The following RCSD1 variants were observed in gnomAD, a reference collection of about 807,000 sequenced individuals.
The protein encoded by RCSD1 is capZ-interacting protein.
In RCSD1, 26 loss-of-function variants were observed where a neutral mutation model predicts 42.5. That is an observed-to-expected ratio of 0.61 (90% CI 0.45 to 0.85). The LOEUF is 0.85. Ranked by LOEUF, RCSD1 falls within the 40% of genes least tolerant of loss-of-function variation. The pLI is 0.00. For synonymous variants in RCSD1, 220 were observed against 212.2 expected, an observed-to-expected ratio of 1.04 and a Z score of -0.32; for missense variants, 571 against 528.3, an observed-to-expected ratio of 1.08 and a Z score of -0.79.
At chr1:167,681,082 C>T (rs1021592870) in intron 1 of RCSD1, among the ~76,000 whole-genome samples, 1 of 152,196 alleles carries the variant, frequency 6.6e-6, no homozygotes, top group Non-Finnish European at 1.5e-5. Context: ...CCACCAGCCC[C>T]GATTCATCCC....
At chr1:167,685,821 C>T (rs1311925922) in intron 3 of RCSD1, among the ~76,000 whole-genome samples, 4 of 152,070 alleles carry the variant, frequency 2.6e-5, no homozygotes, top group Non-Finnish European at 4.4e-5. Context: ...AATTCAGGAG[C>T]CAGGAAAGTT....
intron 1 of RCSD1, among the ~76,000 whole-genome samples, chr1:167,655,575 A>G (rs779410396): frequency 6.6e-6 from 1 of 152,188 alleles, no homozygotes; most frequent in Non-Finnish European, 1.5e-5. Flanking sequence ...TGAAGGGAAC[A>G]CACCACTGCT....
intron 1 of RCSD1, among the ~76,000 whole-genome samples, chr1:167,648,702 G>A (rs538869831): frequency 1.6e-4 from 24 of 152,250 alleles, no homozygotes; most frequent in South Asian, 4.1e-4. Context: ...GATGGGGTGC[G>A]GGCAACAGTG....
At chr1:167,664,317 C>G (rs1658603412) in intron 1 of RCSD1, 1 of 152,272 alleles carries the variant, frequency 6.6e-6, no homozygotes, top group Non-Finnish European at 1.5e-5. Context: ...AGGCTGCCAG[C>G]CTCCTGCAGC....
chr1:167,639,964 C>G (rs1571668850), intron 1 of RCSD1, among the ~76,000 whole-genome samples: 3 of 152,234 alleles, frequency 2.0e-5, no homozygotes, highest in Admixed American at 6.5e-5. Context: ...ATGCCTGAAT[C>G]CCCTCACAAA....
chr1:167,665,888 T>A (rs1468730542), intron 1 of RCSD1, among the ~76,000 whole-genome samples: 1 of 152,144 alleles, frequency 6.6e-6, no homozygotes, highest in Non-Finnish European at 1.5e-5. Flanking sequence ...CTCCACTCAC[T>A]GCAACCTCTG....
intron 1 of RCSD1, among the ~76,000 whole-genome samples, chr1:167,675,436 G>A (rs1196301508): frequency 6.6e-6 from 1 of 152,048 alleles, no homozygotes; most frequent in East Asian, 1.9e-4. Context: ...ACTACCATGA[G>A]AACAGCATGG....
At chr1:167,673,033 T>G (rs1251680395) in intron 1 of RCSD1, among the ~76,000 whole-genome samples, 2 of 152,118 alleles carry the variant, frequency 1.3e-5, no homozygotes, top group Non-Finnish European at 2.9e-5. Flanking sequence ...CTGCAAGAGC[T>G]CATGTGATCT....
At chr1:167,669,759 C>T (rs1472713423) in intron 1 of RCSD1, among the ~76,000 whole-genome samples, 1 of 152,212 alleles carries the variant, frequency 6.6e-6, no homozygotes, top group Non-Finnish European at 1.5e-5. Flanking sequence ...CCAGTACCCC[C>T]TCTTGAGGCT....
At chr1:167,630,571 C>A in intron 1 of RCSD1, 142 bp downstream of exon 1, 1 of 887,690 alleles carries the variant, frequency 1.1e-6, no homozygotes. Context: ...GCCTGCTGTT[C>A]CGACGCCTCC....
Position 167,682,212 on chromosome 1 carries a change from C to G in RCSD1, c.7-1688C>G, listed in dbSNP as rs187565551. ...TGAGATGGAGTCTCATTCTGTCACCCAGTCTGGAGTGCAGTGGTGTGATCT... is the reference window on the plus strand; with the variant it reads ...TGAGATGGAGTCTCATTCTGTCACCGAGTCTGGAGTGCAGTGGTGTGATCT... On this transcript the variant is annotated intron_variant, in intron 1 of 6. Transcript: ENST00000367854. 8.1e-3 allele frequency among the ~76,000 whole-genome samples: 1,233 copies of G among 151,328 alleles called. 20 individuals carry two copies. The highest frequency in any genetic ancestry group is 0.029 in the African/African-American group (1,186 of 40,966).
rs928931692 is a variant in RCSD1 at position 167,690,686 on chromosome 1, G to GA, written c.270+575dup. On this transcript the variant is annotated intron_variant, in intron 4 of 6. Coordinates refer to ENST00000367854, the MANE Select transcript of RCSD1 (RefSeq NM_052862.4). Reference sequence around the variant, plus strand: ...AAGCTCCTGTCTTCAAAAACGAAAAGAAAAAAAAAGAGTCTTACGGGAAAG... The same window carrying GA: ...AAGCTCCTGTCTTCAAAAACGAAAAGAAAAAAAAAAGAGTCTTACGGGAAAG... 1.2e-4 allele frequency among the ~76,000 whole-genome samples: 18 copies of GA among 149,578 alleles called. No individual in the cohort carries two copies. The East Asian group carries it at 1.4e-3, about 11-fold the overall frequency.
intron 1 of RCSD1, among the ~76,000 whole-genome samples, chr1:167,647,027 G>A (rs914054162): frequency 6.6e-6 from 1 of 151,848 alleles, no homozygotes; most frequent in Non-Finnish European, 1.5e-5. Context: ...CTACTTGGGA[G>A]GCTGTGGCAG....
intron 1 of RCSD1, among the ~76,000 whole-genome samples, chr1:167,678,693 C>T (rs764428967): frequency 6.6e-6 from 1 of 152,120 alleles, no homozygotes; most frequent in African/African-American, 2.4e-5. Context: ...TCCTTGAAAC[C>T]CTCCAAATGA....
intron 4 of RCSD1, 134 bp from the exon 5 acceptor site, chr1:167,693,965 G>A (rs996198524): frequency 2.7e-6 from 2 of 744,670 alleles, no homozygotes; most frequent in Non-Finnish European, 4.5e-6. Flanking sequence ...GTGGATAATG[G>A]GTTGGGAAGT....
At chr1:167,673,031 G>C (rs1658849608) in intron 1 of RCSD1, among the ~76,000 whole-genome samples, 1 of 152,180 alleles carries the variant, frequency 6.6e-6, no homozygotes, top group Non-Finnish European at 1.5e-5. Flanking sequence ...GACTGCAAGA[G>C]CTCATGTGAT....
chr1:167,631,465 G>A (rs530289573), intron 1 of RCSD1, among the ~76,000 whole-genome samples: 1 of 152,332 alleles, frequency 6.6e-6, no homozygotes, highest in East Asian at 1.9e-4. Flanking sequence ...TCCAGGCTCT[G>A]TGCCTGGGCC....
intron 1 of RCSD1, 87 bp downstream of exon 1, chr1:167,630,516 C>A: frequency 7.5e-7 from 1 of 1,340,408 alleles, no homozygotes; most frequent in Non-Finnish European, 9.8e-7. Context: ...CTGCCCTGAG[C>A]ATGGAGCACG....
intron 1 of RCSD1, among the ~76,000 whole-genome samples, chr1:167,644,415 G>C (rs929548320): frequency 5.3e-5 from 8 of 152,102 alleles, no homozygotes; most frequent in African/African-American, 1.9e-4. Flanking sequence ...GGAGGCAGAA[G>C]TTGCAGTAAG....
Sources: allele counts gnomAD v4.1 joint callset (sites outside exome capture counted in the v4.1 genomes callset), GRCh38; gene constraint gnomAD v4.1.1; transcripts MANE v1.5; gene names NCBI Gene and HGNC (gene_info 2026-07-23, HGNC 2026-07-21).